CBFA2T2: variants seen among roughly 807,000 people sequenced by gnomAD.
The protein encoded by CBFA2T2 is protein CBFA2T2.
A neutral mutation model predicts 62.2 loss-of-function variants in CBFA2T2; 11 were observed. The ratio of observed to expected loss-of-function variants is 0.18; its 90% CI spans 0.11 to 0.29. The LOEUF (loss-of-function observed/expected upper bound fraction) is 0.29, where lower values mean the gene tolerates loss of function less well. Ranked by LOEUF, CBFA2T2 falls within the 10% of genes least tolerant of loss-of-function variation. The pLI is 1.00. For missense variants in CBFA2T2, 592 were observed against 774.1 expected (o/e 0.76, Z 2.79); for synonymous variants, 295 against 287.5 (o/e 1.03, Z -0.27).
At chr20:33,594,228 T>C (rs1428672295) in intron 1 of CBFA2T2, among the ~76,000 whole-genome samples, 1 of 152,158 alleles carries the variant, frequency 6.6e-6, no homozygotes, top group Non-Finnish European at 1.5e-5. Flanking sequence ...TTTCTTTCTT[T>C]TCTTTTTTTT....
rs2011653071 is a variant in CBFA2T2, at chr20:33,518,875, G to A, written c.34+28574G>A. ...CTGGCTCTGTTGCCCAGGCTGGAAT[G>A]CACTGGAGCGATCTTGGCTGACTGC... On this transcript the variant is annotated intron_variant, in intron 1 of 10. Transcript: ENST00000342704. Among the ~76,000 whole-genome samples the A allele has an allele frequency of 2.6e-5, 4 of 151,624 alleles. No individual in the cohort carries two copies. The South Asian group carries it at 6.3e-4, about 24-fold the overall frequency.
At chr20:33,643,015 A>C (rs1366764549) in intron 10 of CBFA2T2, among the ~76,000 whole-genome samples, 1 of 152,212 alleles carries the variant, frequency 6.6e-6, no homozygotes, top group African/African-American at 2.4e-5. Flanking sequence ...TGTCCTTTGG[A>C]TGAGTTTGCA....
rs145676091 is a variant in CBFA2T2, at chr20:33,611,099, A to G, written c.184A>G (p.Asn62Asp). Residue 62 changes from asparagine to aspartate, a missense_variant, in exon 3 of 11, where the codon AAT becomes GAT. Asn to Asp is a conservative substitution (Grantham distance 23). This residue lies in a region of CBFA2T2 where 449 missense variants were observed against 551.2 expected (regional missense o/e 0.81). Transcript: ENST00000342704. ...TCATTTTGGCTTTCTTTTAGTAAGC[A>G]ATGGCATCAACCATTCTCCTCCTAC... is the stretch of plus-strand genomic sequence containing the variant. ...PVSFTPTALS[N>D]GINHSPPTLN... 1.9e-6 allele frequency: 3 copies of G among 1,614,000 alleles called. No individual in the cohort carries two copies. The highest frequency in any genetic ancestry group is 1.3e-5 in the African/African-American group (1 of 74,942).
chr20:33,640,931 A>C (rs929564310), intron 10 of CBFA2T2, among the ~76,000 whole-genome samples: 2 of 152,118 alleles, frequency 1.3e-5, no homozygotes, highest in African/African-American at 4.8e-5. Flanking sequence ...CAATGGCCCT[A>C]ATTTGCAGAT....
At chr20:33,642,486 A>T (rs777763373) in intron 10 of CBFA2T2, among the ~76,000 whole-genome samples, 60 of 152,086 alleles carry the variant, frequency 3.9e-4, no homozygotes, top group Non-Finnish European at 6.9e-4. Flanking sequence ...ATGCACCTGT[A>T]GTCCAGGTAC....
At chr20:33,616,251 T>G (rs1425754485) in intron 3 of CBFA2T2, among the ~76,000 whole-genome samples, 1 of 152,158 alleles carries the variant, frequency 6.6e-6, no homozygotes, top group Non-Finnish European at 1.5e-5. Flanking sequence ...TTTTCTAAAT[T>G]ATGTTTCTTG....
At chr20:33,594,922 G>T (rs987787286) in intron 1 of CBFA2T2, among the ~76,000 whole-genome samples, 3 of 152,184 alleles carry the variant, frequency 2.0e-5, no homozygotes, top group African/African-American at 7.2e-5. Flanking sequence ...AGCTGGTGGA[G>T]ACCTGAAACA....
At chr20:33,576,199 T>G (rs1186724348) in intron 1 of CBFA2T2, among the ~76,000 whole-genome samples, 1 of 152,156 alleles carries the variant, frequency 6.6e-6, no homozygotes, top group Non-Finnish European at 1.5e-5. Flanking sequence ...AAGTAGGAGT[T>G]TCTAAAGTGC....
chr20:33,641,342 C>G (rs897169423), intron 10 of CBFA2T2, among the ~76,000 whole-genome samples: 1 of 152,124 alleles, frequency 6.6e-6, no homozygotes, highest in Non-Finnish European at 1.5e-5. Context: ...GCCTGATTGT[C>G]CAGGACCCAG....
chr20:33,542,900 C>CA (rs1179453048), intron 1 of CBFA2T2, among the ~76,000 whole-genome samples: 1 of 152,072 alleles, frequency 6.6e-6, no homozygotes, highest in African/African-American at 2.4e-5. Flanking sequence ...CTCCTGGACT[C>CA]AAACAATCTG....
At position 33,528,174 on chromosome 20, in the gene CBFA2T2, G is replaced by A. The variant is rs139078471; in HGVS notation, c.34+37873G>A. Among the ~76,000 whole-genome samples, 277 of 152,206 alleles carry A rather than the reference G, an allele frequency of 1.8e-3. 1 individual carries two copies. The highest frequency in any genetic ancestry group is 6.4e-3 in the African/African-American group (265 of 41,532). On this transcript the variant is annotated intron_variant, in intron 1 of 10. Transcript: ENST00000342704. ...CTCTTGCCTCTATACCTGGCTCAAGGGTTTGTTTTCTGATTCTTCAAAGTT... is the reference window on the plus strand; with the variant it reads ...CTCTTGCCTCTATACCTGGCTCAAGAGTTTGTTTTCTGATTCTTCAAAGTT...
intron 1 of CBFA2T2, among the ~76,000 whole-genome samples, chr20:33,541,378 G>A (rs2012406115): frequency 6.6e-6 from 1 of 152,222 alleles, no homozygotes; most frequent in Non-Finnish European, 1.5e-5. Context: ...ATCTCCATTG[G>A]TTGGAGACCA....
intron 1 of CBFA2T2, among the ~76,000 whole-genome samples, chr20:33,550,407 G>C (rs1484140878): frequency 6.6e-6 from 1 of 152,028 alleles, no homozygotes; most frequent in African/African-American, 2.4e-5. Context: ...TTAAATGGAG[G>C]GATTGGCTTG....
At chr20:33,610,954 A>G in intron 2 of CBFA2T2, 140 bp from the exon 3 acceptor site, 1 of 946,056 alleles carries the variant, frequency 1.1e-6, no homozygotes, top group Non-Finnish European at 1.6e-6. Flanking sequence ...CTCACTGAGG[A>G]CAGAACCAGT....
At chr20:33,491,261 A>G (rs1022328050) in intron 1 of CBFA2T2, among the ~76,000 whole-genome samples, 1 of 152,228 alleles carries the variant, frequency 6.6e-6, no homozygotes, top group Non-Finnish European at 1.5e-5. Context: ...AAGTTTAAAA[A>G]TACCATTCCA....
intron 1 of CBFA2T2, among the ~76,000 whole-genome samples, chr20:33,535,525 C>T (rs2012180208): frequency 1.3e-5 from 2 of 150,826 alleles, no homozygotes; most frequent in African/African-American, 4.9e-5. Context: ...AGCTCAGTGG[C>T]TTAGCTGTCC....
At position 33,492,927 on chromosome 20, in the gene CBFA2T2, T is replaced by A. The variant is rs1255009723; in HGVS notation, c.34+2626T>A. The stretch of plus-strand genomic sequence containing the variant: ...TGCTCACCACCATGCCTGGCTAATT[T>A]TTTTTTGTATTTTTTGTAGAGACGG... On this transcript the variant is annotated intron_variant, in intron 1 of 10. Coordinates refer to ENST00000342704, the MANE Select transcript of CBFA2T2 (RefSeq NM_001032999.3). Among the ~76,000 whole-genome samples, 6 of 151,954 alleles carry A rather than the reference T, an allele frequency of 3.9e-5. No individual in the cohort carries two copies. The East Asian group carries it at 1.2e-3, about 29-fold the overall frequency.
At chr20:33,593,787 A>AAG (rs34865994) in intron 1 of CBFA2T2, among the ~76,000 whole-genome samples, 85,831 of 151,848 alleles carry the variant, frequency 0.57, 25,243 homozygotes, top group East Asian at 0.78. Flanking sequence ...TCACTCATGA[A>AAG]AGAGTAAAAA....
chr20:33,546,255 A>C (rs1433046673), intron 1 of CBFA2T2, among the ~76,000 whole-genome samples: 4 of 152,154 alleles, frequency 2.6e-5, no homozygotes, highest in African/African-American at 9.7e-5. Context: ...ATATAGGATA[A>C]ATAATGAAGC....
Sources: allele counts gnomAD v4.1 joint callset (sites outside exome capture counted in the v4.1 genomes callset), GRCh38; gene constraint gnomAD v4.1.1; regional missense constraint gnomAD v4.1.1; transcripts MANE v1.5; gene names NCBI Gene and HGNC (gene_info 2026-07-23, HGNC 2026-07-21).